The following FMN2 variants were observed in gnomAD, a reference collection of about 807,000 sequenced individuals.
FMN2 encodes the protein formin-2.
Under a neutral mutation model 142.3 loss-of-function variants are expected in FMN2, and 51 were observed. The ratio of observed to expected loss-of-function variants is 0.36; its 90% CI spans 0.29 to 0.45. The LOEUF (loss-of-function observed/expected upper bound fraction) is 0.45, where lower values mean the gene tolerates loss of function less well. Ranked by LOEUF, FMN2 falls within the 20% of genes least tolerant of loss-of-function variation. FMN2 has a pLI of 1.00. For synonymous variants in FMN2, 882 were observed against 869.8 expected (o/e 1.01, Z -0.25); for missense variants, 1,936 against 2,122.8 (o/e 0.91, Z 1.73).
chr1:240,154,913 G>T, intron 2 of FMN2: 1 of 137,610 alleles, frequency 7.3e-6, no homozygotes, highest in Non-Finnish European at 1.5e-5. Context: ...TTTCAACAGG[G>T]CCTTGTGCTG....
intron 1 of FMN2, among the ~76,000 whole-genome samples, chr1:240,121,467 C>T (rs1467338366): frequency 6.6e-6 from 1 of 151,218 alleles, no homozygotes; most frequent in African/African-American, 2.4e-5. Context: ...GCTCCGTCTC[C>T]CGGGTTCAAG....
intron 6 of FMN2, among the ~76,000 whole-genome samples, chr1:240,218,070 G>A (rs1005365597): frequency 6.6e-6 from 1 of 151,988 alleles, no homozygotes; most frequent in Non-Finnish European, 1.5e-5. Flanking sequence ...GGATCACAAG[G>A]TCAAGAGATC....
intron 14 of FMN2, among the ~76,000 whole-genome samples, chr1:240,360,273 G>T (rs1889867): frequency 0.036 from 5,510 of 152,190 alleles, 333 homozygotes; most frequent in African/African-American, 0.12. Flanking sequence ...ACCTCGATGA[G>T]AAACAGTTAC....
chr1:240,210,343 G>A (rs1666642437), intron 5 of FMN2, among the ~76,000 whole-genome samples: 1 of 152,110 alleles, frequency 6.6e-6, no homozygotes. Context: ...GTGTGATGTG[G>A]CATGCATTTA....
At chr1:240,178,511 G>A (rs11577744) in intron 3 of FMN2, among the ~76,000 whole-genome samples, 7,455 of 147,788 alleles carry the variant, frequency 0.05, 251 homozygotes, top group Non-Finnish European at 0.076. Context: ...AGTGGAGCAT[G>A]ACTCGCTGCA....
chr1:240,100,572 C>G (rs1274602568), intron 1 of FMN2, among the ~76,000 whole-genome samples: 1 of 152,130 alleles, frequency 6.6e-6, no homozygotes, highest in East Asian at 1.9e-4. Context: ...ACAATTATTT[C>G]TGGATGCTAT....
chr1:240,321,425 A>G (rs1670969178), intron 8 of FMN2, among the ~76,000 whole-genome samples: 1 of 152,250 alleles, frequency 6.6e-6, no homozygotes, highest in Non-Finnish European at 1.5e-5. Context: ...GTATTTTTAA[A>G]GAATTGACTT....
intron 14 of FMN2, among the ~76,000 whole-genome samples, chr1:240,357,656 G>A (rs1672319539): frequency 6.8e-6 from 1 of 147,364 alleles, no homozygotes; most frequent in Non-Finnish European, 1.5e-5. Context: ...TTACCGGGCT[G>A]ATGTCCAGTG....
chr1:240,295,770 T>A (rs1024187887), intron 8 of FMN2, among the ~76,000 whole-genome samples: 4 of 152,228 alleles, frequency 2.6e-5, no homozygotes, highest in African/African-American at 9.6e-5. Context: ...TTCCTTTGGA[T>A]GTATTCCCAG....
chr1:240,385,063 A>T (rs1673364887), intron 14 of FMN2, among the ~76,000 whole-genome samples: 2 of 152,148 alleles, frequency 1.3e-5, no homozygotes, highest in African/African-American at 4.8e-5. Flanking sequence ...TTGTAATGTT[A>T]AATTATGTGG....
At chr1:240,375,376 A>G (rs1304479606) in intron 14 of FMN2, among the ~76,000 whole-genome samples, 3 of 152,216 alleles carry the variant, frequency 2.0e-5, no homozygotes, top group African/African-American at 7.2e-5. Context: ...AAAAATAAAA[A>G]TAAAACAAAA....
At chr1:240,397,660 G>T (rs1217316618) in intron 15 of FMN2, among the ~76,000 whole-genome samples, 2 of 151,716 alleles carry the variant, frequency 1.3e-5, no homozygotes, top group Non-Finnish European at 2.9e-5. Context: ...CGTGGTGGTA[G>T]GGGCCTGTAA....
chr1:240,184,212 AC>A (rs1328279429), intron 3 of FMN2, among the ~76,000 whole-genome samples: 1 of 144,512 alleles, frequency 6.9e-6, no homozygotes, highest in Non-Finnish European at 1.5e-5. Flanking sequence ...TTTTGAGGTA[AC>A]TTTTTAAAAT....
At chr1:240,465,384 G>GTCTGTC (rs1553268383) in intron 16 of FMN2, among the ~76,000 whole-genome samples, 5 of 128,910 alleles carry the variant, frequency 3.9e-5, no homozygotes, top group African/African-American at 1.4e-4. Flanking sequence ...GTGTGTGTGT[G>GTCTGTC]TGTCTGTCTT....
At chr1:240,185,119 C>T (rs56349225) in intron 3 of FMN2, among the ~76,000 whole-genome samples, 115 of 17,138 alleles carry the variant, frequency 6.7e-3, no homozygotes, top group African/African-American at 0.011. Flanking sequence ...CCTATACCTT[C>T]CCCCTTCTCT....
intron 1 of FMN2, among the ~76,000 whole-genome samples, chr1:240,120,945 G>A (rs1361089324): frequency 6.6e-6 from 1 of 152,120 alleles, no homozygotes; most frequent in African/African-American, 2.4e-5. Context: ...ATCATTTGAG[G>A]TCAGGAGTTC....
At chr1:240,181,905 T>TCTC (rs1665169882) in intron 3 of FMN2, among the ~76,000 whole-genome samples, 2 of 152,220 alleles carry the variant, frequency 1.3e-5, no homozygotes, top group African/African-American at 4.8e-5. Flanking sequence ...TGGAGTCCCA[T>TCTC]GACATCCTAT....
chr1:240,326,322 T>A (rs1671169125), intron 8 of FMN2, among the ~76,000 whole-genome samples: 1 of 152,236 alleles, frequency 6.6e-6, no homozygotes, highest in Admixed American at 6.5e-5. Context: ...TTTATTTCTT[T>A]CTGAAGTGAG....
chr1:240,216,080 A>T (rs1482649888), intron 6 of FMN2, among the ~76,000 whole-genome samples: 1 of 152,202 alleles, frequency 6.6e-6, no homozygotes, highest in Admixed American at 6.5e-5. Context: ...AGTTAAATAA[A>T]AGTTTGAGTG....
Sources: allele counts gnomAD v4.1 joint callset (sites outside exome capture counted in the v4.1 genomes callset), GRCh38; gene constraint gnomAD v4.1.1; transcripts MANE v1.5; gene names NCBI Gene and HGNC (gene_info 2026-07-23, HGNC 2026-07-21).